FAM114A1: variants seen among roughly 807,000 people sequenced by gnomAD.
The protein encoded by FAM114A1 is family with sequence similarity 114 member A1.
FAM114A1 carries 62 observed loss-of-function variants against 64.3 expected under a neutral mutation model. The ratio of observed to expected loss-of-function variants is 0.96; its 90% CI spans 0.79 to 1.19. The LOEUF (loss-of-function observed/expected upper bound fraction) is 1.19. Ranked by LOEUF, FAM114A1 falls within the 50% of genes most tolerant of loss-of-function variation. The pLI is 0.00. For missense variants in FAM114A1, 645 were observed against 676.3 expected (o/e 0.95, Z 0.51); for synonymous variants, 254 against 251.1 (o/e 1.01, Z -0.11).
At chr4:38,897,553 T>C (rs2109634469) in intron 4 of FAM114A1, among the ~76,000 whole-genome samples, 1 of 152,362 alleles carries the variant, frequency 6.6e-6, no homozygotes, top group South Asian at 2.1e-4. Context: ...TAGGCTCAAC[T>C]ACAGCTACAC....
chr4:38,925,845 T>C (rs1245007613), intron 9 of FAM114A1, among the ~76,000 whole-genome samples: 1 of 151,308 alleles, frequency 6.6e-6, no homozygotes. Context: ...TCATCTGTTT[T>C]TATCAACCTC....
chr4:38,876,272 C>T (rs1391684542), intron 2 of FAM114A1, among the ~76,000 whole-genome samples: 1 of 148,128 alleles, frequency 6.8e-6, no homozygotes, highest in Admixed American at 6.9e-5. Context: ...CAGGTTCAAG[C>T]AATTATTGTG....
At chr4:38,889,345 A>G (rs924216382) in intron 3 of FAM114A1, among the ~76,000 whole-genome samples, 12 of 152,240 alleles carry the variant, frequency 7.9e-5, no homozygotes, top group African/African-American at 2.9e-4. Flanking sequence ...GTGATGAGTC[A>G]TGAATATTTC....
chr4:38,908,721 T>A lies in FAM114A1; in HGVS notation c.787T>A (p.Ser263Thr). The A allele has an allele frequency of 6.3e-7, 1 of 1,598,934 alleles. No individual in the cohort carries two copies. Among genetic ancestry groups the A allele is most frequent in the Non-Finnish European group, 8.6e-7 (1 of 1,168,908 alleles). ...GCTCATGGAGAGAACTGTTTCCTTG[T>A]CTCAGGTTGGATTATATACGTTTGC... is the stretch of plus-strand genomic sequence containing the variant. ...KTLMERTVSLSQMLREAKEKE... is the reference protein window; with the variant it reads ...KTLMERTVSLTQMLREAKEKE... The change falls in exon 7 of 15, where the codon TCT becomes ACT. Residue 263 changes from serine to threonine, a missense_variant. Physicochemically the swap from Ser to Thr is moderately conservative, Grantham distance 58. Transcript: ENST00000358869.
intron 4 of FAM114A1, among the ~76,000 whole-genome samples, chr4:38,902,639 A>G (rs930442601): frequency 5.9e-5 from 9 of 152,208 alleles, no homozygotes; most frequent in African/African-American, 2.2e-4. Context: ...CTCACCTTCT[A>G]TTGCAGTGAG....
chr4:38,892,616 A>G (rs961838512), intron 4 of FAM114A1, among the ~76,000 whole-genome samples: 1 of 152,228 alleles, frequency 6.6e-6, no homozygotes, highest in Non-Finnish European at 1.5e-5. Flanking sequence ...TATAACATCA[A>G]TATGTCTAAG....
Position 38,920,603 on chromosome 4 carries a change from A to G in FAM114A1, c.946-2167A>G, listed in dbSNP as rs1369484152. ...GGAAAACCCCAATGCTCTCCCTTCCAGATGATTGCCATCCGCCAGAAGACA... is the reference window on the plus strand; with the variant it reads ...GGAAAACCCCAATGCTCTCCCTTCCGGATGATTGCCATCCGCCAGAAGACA... On this transcript the variant is annotated intron_variant, in intron 8 of 14. Coordinates refer to ENST00000358869, the MANE Select transcript of FAM114A1 (RefSeq NM_138389.4). 2.6e-5 allele frequency among the ~76,000 whole-genome samples: 4 copies of G among 152,234 alleles called. No homozygotes were observed. The South Asian group carries it at 8.3e-4, about 32-fold the overall frequency.
chr4:38,877,827 C>G (rs112339360), intron 2 of FAM114A1, among the ~76,000 whole-genome samples: 41,664 of 151,812 alleles, frequency 0.27, 6,093 homozygotes, highest in African/African-American at 0.31. Flanking sequence ...AGCCAGGCGT[C>G]GTGGCACATG....
chr4:38,922,743 G>A (rs376344209), intron 8 of FAM114A1, 27 bp from the exon 9 acceptor site: 2 of 1,597,982 alleles, frequency 1.3e-6, no homozygotes, highest in Admixed American at 3.6e-5. Flanking sequence ...AAAGATGACA[G>A]TCGTGCTGAC....
chr4:38,914,143 C>T (rs562779970), intron 7 of FAM114A1, among the ~76,000 whole-genome samples: 1 of 152,104 alleles, frequency 6.6e-6, no homozygotes, highest in South Asian at 2.1e-4. Context: ...TAGAAAAAAT[C>T]AGGCCAGCTT....
At chr4:38,943,003 C>T (rs1424109878) in intron 14 of FAM114A1, among the ~76,000 whole-genome samples, 3 of 152,082 alleles carry the variant, frequency 2.0e-5, no homozygotes, top group African/African-American at 7.2e-5. Flanking sequence ...ACCATCCTGG[C>T]CAACATGGTG....
At chr4:38,943,423 T>C in intron 14 of FAM114A1, 33 bp from the exon 15 acceptor site, 2 of 1,580,420 alleles carry the variant, frequency 1.3e-6, no homozygotes, top group Non-Finnish European at 1.7e-6. Context: ...ACTATGAAAA[T>C]AACCCTTCAA....
chr4:38,922,799 A>T lies in FAM114A1; in HGVS notation c.975A>T (p.Gly325=). 1 of 1,613,218 alleles carries T rather than the reference A, an allele frequency of 6.2e-7. No homozygotes were observed. The highest frequency in any genetic ancestry group is 8.5e-7 in the Non-Finnish European group (1 of 1,179,776). ...KVQSFLASLD[G]EKLELLKNDL... ...AGTCATTTTTAGCATCACTTGATGG[A>T]GAGAAGCTGGAACTCTTAAAAAATG... The change falls in exon 9 of 15, where the codon GGA becomes GGT. Residue 325 remains glycine (G), a synonymous_variant. Coordinates refer to ENST00000358869, the MANE Select transcript of FAM114A1 (RefSeq NM_138389.4).
chr4:38,876,802 T>G (rs1714691740), intron 2 of FAM114A1, among the ~76,000 whole-genome samples: 1 of 152,202 alleles, frequency 6.6e-6, no homozygotes, highest in Admixed American at 6.5e-5. Flanking sequence ...AGTGGTTTCT[T>G]TTCCCTTTTC....
chr4:38,936,382 C>T (rs1560335409), intron 13 of FAM114A1, among the ~76,000 whole-genome samples: 1 of 151,960 alleles, frequency 6.6e-6, no homozygotes, highest in African/African-American at 2.4e-5. Context: ...GCGTGAGCCA[C>T]CGCGCCTGGC....
chr4:38,883,699 T>A (rs534307239), intron 3 of FAM114A1, among the ~76,000 whole-genome samples: 30 of 152,360 alleles, frequency 2.0e-4, no homozygotes, highest in Admixed American at 5.9e-4. Context: ...GGACACAGGC[T>A]GAGACATGAC....
At position 38,945,062 on chromosome 4, in the gene FAM114A1, G is replaced by A. The variant is rs976684004; in HGVS notation, c.*1505G>A. 1.9e-4 allele frequency: 29 copies of A among 152,006 alleles called. No homozygotes were observed. Among genetic ancestry groups the A allele is most frequent in the African/African-American group, 6.8e-4 (28 of 41,362 alleles). The allele number at this position is 152,006 out of a possible 1,614,324, so 9.4% of individuals were successfully genotyped here. A position where few individuals can be genotyped will look rare whatever the true frequency, so the allele number is the denominator to read the frequency against. On this transcript the variant is annotated 3_prime_UTR_variant, in exon 15 of 15. Transcript: ENST00000358869. ...ATGAGGTGAAAATATATATGAAAAG[G>A]GATACTGAAGAATATTTAGTTTAAA...
chr4:38,904,426 G>A (rs938617868), intron 4 of FAM114A1, among the ~76,000 whole-genome samples: 4 of 152,242 alleles, frequency 2.6e-5, no homozygotes, highest in Non-Finnish European at 4.4e-5. Context: ...CCTGTGGGTA[G>A]GAAGGTCAGC....
chr4:38,878,192 A>G lies in FAM114A1; in HGVS notation c.114A>G (p.Ala38=). ...CAGAAGTGCATTGTGATTCAGCTGC[A>G]GTTTCACATGAGCCAACACCAGCTG... The part of the protein sequence containing the change: ...EDAEVHCDSA[A]VSHEPTPADP... Residue 38 remains alanine, a synonymous_variant, in exon 3 of 15, where the codon GCA becomes GCG. Transcript: ENST00000358869. 6.2e-7 allele frequency: 1 copy of G among 1,614,232 alleles called. No individual in the cohort carries two copies. Among genetic ancestry groups the G allele is most frequent in the Non-Finnish European group, 8.5e-7 (1 of 1,180,046 alleles).
Sources: allele counts gnomAD v4.1 joint callset (sites outside exome capture counted in the v4.1 genomes callset), GRCh38; gene constraint gnomAD v4.1.1; transcripts MANE v1.5; gene names NCBI Gene and HGNC (gene_info 2026-07-23, HGNC 2026-07-21).